AGMO: variants seen among roughly 807,000 people sequenced by gnomAD.
The protein encoded by AGMO is glyceryl-ether monooxygenase.
Under a neutral mutation model 60.2 loss-of-function variants are expected in AGMO, and 75 were observed. That is an observed-to-expected ratio of 1.25 (90% CI 1.03 to 1.51). AGMO has a LOEUF of 1.51. AGMO is among the 40% of genes most tolerant of loss of function. AGMO has a pLI of 0.00. For synonymous variants in AGMO, 261 were observed against 177.1 expected (o/e 1.47, Z -3.76); for missense variants, 763 against 525.5 (o/e 1.45, Z -4.42).
chr7:15,522,623 T>C (rs1340298489), intron 3 of AGMO, among the ~76,000 whole-genome samples: 1 of 152,138 alleles, frequency 6.6e-6, no homozygotes, highest in Non-Finnish European at 1.5e-5. Flanking sequence ...TAACTGGTGT[T>C]GGAAAAACTG....
intron 3 of AGMO, among the ~76,000 whole-genome samples, chr7:15,472,594 A>T (rs1782477547): frequency 6.6e-6 from 1 of 151,944 alleles, no homozygotes; most frequent in South Asian, 2.1e-4. Context: ...GACGTGCTGT[A>T]AAATCACAGA....
At chr7:15,190,492 T>C in the AGMO span, among the ~76,000 whole-genome samples, 1 of 151,890 alleles carries the variant, frequency 6.6e-6, no homozygotes, top group Admixed American at 6.6e-5. Flanking sequence ...AGTAACAGAA[T>C]AAAATATACA....
the AGMO span, among the ~76,000 whole-genome samples, chr7:15,192,116 C>A: frequency 6.6e-6 from 1 of 151,818 alleles, no homozygotes; most frequent in African/African-American, 2.4e-5. Flanking sequence ...ATAACAAAAC[C>A]ATGTTAATAT....
chr7:15,415,476 G>A (rs796153992), intron 5 of AGMO, among the ~76,000 whole-genome samples: 7 of 152,050 alleles, frequency 4.6e-5, no homozygotes, highest in African/African-American at 1.4e-4. Context: ...CCAGGAGGTG[G>A]AGGTTTCAGG....
At chr7:15,460,617 T>C (rs982655621) in intron 3 of AGMO, among the ~76,000 whole-genome samples, 2 of 152,136 alleles carry the variant, frequency 1.3e-5, no homozygotes, top group African/African-American at 4.8e-5. Flanking sequence ...TAATGAGATA[T>C]AATAAATTAA....
At position 15,394,118 on chromosome 7, in the gene AGMO, T is replaced by G. The variant is rs370101645; in HGVS notation, c.671A>C (p.His224Pro). 6.2e-6 allele frequency: 10 copies of G among 1,609,950 alleles called. No homozygotes were observed. In the African/African-American group the frequency reaches 1.3e-4, roughly 22 times the overall value. ...AAGAAACAAAACTTCCTTACCATGATGAACCCTATGATGGCTAGGAGTATT... is the reference window on the plus strand; with the variant it reads ...AAGAAACAAAACTTCCTTACCATGAGGAACCCTATGATGGCTAGGAGTATT... ...ILNTPSHHRV[H>P]HGRNRYCIDK... The change falls in exon 6 of 13, where the codon CAT (histidine) becomes CCT (proline). Residue 224 changes from histidine to proline, a missense_variant. Physicochemically the swap from His to Pro is moderately conservative, Grantham distance 77 (BLOSUM62 -2). Transcript: ENST00000342526.
At chr7:15,416,739 C>T (rs1780784829) in intron 5 of AGMO, among the ~76,000 whole-genome samples, 2 of 152,132 alleles carry the variant, frequency 1.3e-5, no homozygotes, top group Admixed American at 1.3e-4. Flanking sequence ...TATAGGGTTT[C>T]ATACAATTTA....
chr7:15,232,178 C>T (rs1054086930), intron 12 of AGMO, among the ~76,000 whole-genome samples: 3 of 152,168 alleles, frequency 2.0e-5, no homozygotes, highest in African/African-American at 7.2e-5. Context: ...CCCTTGCCTA[C>T]GCTCTACATT....
At chr7:15,454,392 CA>C (rs1421477868) in intron 3 of AGMO, among the ~76,000 whole-genome samples, 3 of 52,696 alleles carry the variant, frequency 5.7e-5, no homozygotes, top group Non-Finnish European at 1.5e-4. Flanking sequence ...CACACAAACA[CA>C]AACACAAAGT....
chr7:15,357,728 C>T (rs1782594121), intron 12 of AGMO, among the ~76,000 whole-genome samples: 1 of 152,200 alleles, frequency 6.6e-6, no homozygotes, highest in African/African-American at 2.4e-5. Context: ...GCTCCCTTGA[C>T]AGCCAGAGAG....
At chr7:15,388,042 G>C (rs1247365141) in intron 8 of AGMO, among the ~76,000 whole-genome samples, 2 of 151,848 alleles carry the variant, frequency 1.3e-5, no homozygotes, top group Non-Finnish European at 2.9e-5. Flanking sequence ...TGAGTAGCTG[G>C]GATTACAGGT....
chr7:15,353,222 A>G (rs1782324604), intron 12 of AGMO, among the ~76,000 whole-genome samples: 1 of 152,202 alleles, frequency 6.6e-6, no homozygotes, highest in Non-Finnish European at 1.5e-5. Flanking sequence ...TTGGTAGATT[A>G]CATCCACGAA....
At chr7:15,252,968 T>A (rs1359790931) in intron 12 of AGMO, among the ~76,000 whole-genome samples, 1 of 152,040 alleles carries the variant, frequency 6.6e-6, no homozygotes, top group South Asian at 2.1e-4. Context: ...ATAAAATAAA[T>A]TGAGAACCCC....
chr7:15,435,312 G>GC (rs1311998388), intron 3 of AGMO, among the ~76,000 whole-genome samples: 1 of 137,502 alleles, frequency 7.3e-6, no homozygotes, highest in Non-Finnish European at 1.6e-5. Context: ...AAGTGGCTGT[G>GC]CCTTTTTTTT....
chr7:15,522,251 T>C (rs1784016308), intron 3 of AGMO, among the ~76,000 whole-genome samples: 1 of 152,170 alleles, frequency 6.6e-6, no homozygotes, highest in Non-Finnish European at 1.5e-5. Flanking sequence ...GACGAATCAA[T>C]ATCATGAAAA....
At chr7:15,248,530 GT>G (rs1782835366) in intron 12 of AGMO, among the ~76,000 whole-genome samples, 1 of 151,990 alleles carries the variant, frequency 6.6e-6, no homozygotes, top group African/African-American at 2.4e-5. Context: ...AGGGCAAGTG[GT>G]GACTTATGAG....
chr7:15,177,921 C>T, the AGMO span, among the ~76,000 whole-genome samples: 2 of 152,066 alleles, frequency 1.3e-5, no homozygotes, highest in African/African-American at 4.8e-5. Flanking sequence ...CCATATGTCT[C>T]TCAATAAAAA....
intron 12 of AGMO, among the ~76,000 whole-genome samples, chr7:15,227,233 G>C (rs1782111672): frequency 6.6e-6 from 1 of 151,962 alleles, no homozygotes. Flanking sequence ...ACAAATAGCT[G>C]AGTATCAGCC....
At chr7:15,226,709 T>C (rs1304729996) in intron 12 of AGMO, among the ~76,000 whole-genome samples, 2 of 152,086 alleles carry the variant, frequency 1.3e-5, no homozygotes, top group Non-Finnish European at 2.9e-5. Flanking sequence ...CAGCAAATCA[T>C]TTTGGCACCC....
Sources: allele counts gnomAD v4.1 joint callset (sites outside exome capture counted in the v4.1 genomes callset), GRCh38; gene constraint gnomAD v4.1.1; transcripts MANE v1.5; gene names NCBI Gene and HGNC (gene_info 2026-07-23, HGNC 2026-07-21).